TENM3: variants seen among roughly 807,000 people sequenced by gnomAD.
TENM3 encodes teneurin-3.
Under a neutral mutation model 255.1 loss-of-function variants are expected in TENM3, and 63 were observed. The observed-to-expected ratio is 0.25, with a 90% CI of 0.20 to 0.30. The LOEUF is 0.30. TENM3 is among the 10% of genes least tolerant of loss of function. TENM3 has a pLI of 1.00. For synonymous variants in TENM3, 1,306 were observed against 1,322.3 expected (o/e 0.99, Z 0.27); for missense variants, 2,929 against 3,461.1 (o/e 0.85, Z 3.86).
the TENM3 span, among the ~76,000 whole-genome samples, chr4:181,700,637 G>A: frequency 2.6e-5 from 4 of 151,750 alleles, no homozygotes; most frequent in Admixed American, 2.6e-4. Context: ...TTCATTTTTT[G>A]TGACCTACCT....
chr4:182,220,271 G>A (rs1043570155), intron 1 of TENM3, among the ~76,000 whole-genome samples: 4 of 151,372 alleles, frequency 2.6e-5, no homozygotes, highest in African/African-American at 7.3e-5. Flanking sequence ...CAGCTCCTCA[G>A]GAGGCTGAGG....
At chr4:182,589,390 T>C (rs1746365090) in intron 3 of TENM3, among the ~76,000 whole-genome samples, 1 of 152,032 alleles carries the variant, frequency 6.6e-6, no homozygotes, top group South Asian at 2.1e-4. Flanking sequence ...ACAGACATTC[T>C]ACTTTTGTCA....
the TENM3 span, among the ~76,000 whole-genome samples, chr4:181,882,173 T>C: frequency 6.6e-6 from 1 of 152,188 alleles, no homozygotes; most frequent in South Asian, 2.1e-4. Flanking sequence ...GGCTGTGACT[T>C]CATTATGAGG....
At chr4:181,524,904 G>A in the TENM3 span, among the ~76,000 whole-genome samples, 1 of 152,170 alleles carries the variant, frequency 6.6e-6, no homozygotes. Context: ...AGGCTTAGAA[G>A]TTTTCATTGT....
At chr4:181,605,574 G>GAGAGAA in the TENM3 span, among the ~76,000 whole-genome samples, 1 of 22,030 alleles carries the variant, frequency 4.5e-5, no homozygotes, top group African/African-American at 1.1e-4. Flanking sequence ...AAGAAAGAGA[G>GAGAGAA]AGAAAGAAAG....
the TENM3 span, among the ~76,000 whole-genome samples, chr4:181,938,274 G>A: frequency 3.3e-5 from 5 of 152,230 alleles, no homozygotes; most frequent in South Asian, 2.1e-4. Context: ...TTTGGGGCAC[G>A]TCATAATACT....
chr4:182,129,587 A>G, the TENM3 span, among the ~76,000 whole-genome samples: 14 of 152,312 alleles, frequency 9.2e-5, no homozygotes, highest in African/African-American at 3.4e-4. Context: ...GTGTCGAAGG[A>G]TAGGTAATTA....
intron 7 of TENM3, among the ~76,000 whole-genome samples, chr4:182,673,593 C>A (rs138610260): frequency 1.3e-5 from 2 of 152,284 alleles, no homozygotes; most frequent in East Asian, 3.9e-4. Context: ...TCATCTCTAA[C>A]ACGTATTCAT....
rs190784811 is a variant in TENM3, at chr4:182,457,964, A to G, written c.511+111035A>G. Reference sequence around the variant, plus strand: ...GCTTTACATGTAAGTTCTATTTCCTATTCTAGAATAGAAATATGATACCAG... The same window carrying G: ...GCTTTACATGTAAGTTCTATTTCCTGTTCTAGAATAGAAATATGATACCAG... On this transcript the variant is annotated intron_variant, in intron 3 of 27. Transcript: ENST00000511685. 6.2e-4 allele frequency among the ~76,000 whole-genome samples: 95 copies of G among 152,286 alleles called. 1 individual carries two copies. The East Asian group carries it at 9.8e-3, about 16-fold the overall frequency.
intron 3 of TENM3, among the ~76,000 whole-genome samples, chr4:182,505,395 A>G (rs951892816): frequency 8.5e-5 from 13 of 152,174 alleles, no homozygotes; most frequent in African/African-American, 3.1e-4. Context: ...TGTCTAAATT[A>G]TTATACATTT....
intron 2 of TENM3, among the ~76,000 whole-genome samples, chr4:182,338,970 G>A (rs1200074204): frequency 6.6e-6 from 1 of 152,082 alleles, no homozygotes; most frequent in Non-Finnish European, 1.5e-5. Flanking sequence ...TGACCATATG[G>A]TCCTACCATT....
At chr4:181,892,393 TTC>T in the TENM3 span, among the ~76,000 whole-genome samples, 2 of 152,180 alleles carry the variant, frequency 1.3e-5, no homozygotes, top group Non-Finnish European at 2.9e-5. Flanking sequence ...ACTACCTAGT[TTC>T]TGAGTGTCAC....
chr4:182,488,366 C>T (rs1462483075), intron 3 of TENM3, among the ~76,000 whole-genome samples: 1 of 152,060 alleles, frequency 6.6e-6, no homozygotes, highest in Non-Finnish European at 1.5e-5. Flanking sequence ...AGAAGGAGTT[C>T]TTTTAGATGG....
the TENM3 span, among the ~76,000 whole-genome samples, chr4:181,840,866 C>T: frequency 1.3e-5 from 2 of 152,156 alleles, no homozygotes; most frequent in African/African-American, 4.8e-5. Flanking sequence ...CTTAATGTTT[C>T]AGTTACTTTG....
At chr4:182,405,352 CCT>C (rs1769491675) in intron 3 of TENM3, among the ~76,000 whole-genome samples, 1 of 152,236 alleles carries the variant, frequency 6.6e-6, no homozygotes, top group African/African-American at 2.4e-5. Flanking sequence ...GTGATCCTTA[CCT>C]CTCTCGTCAC....
chr4:181,874,063 G>A, the TENM3 span, among the ~76,000 whole-genome samples: 33 of 152,164 alleles, frequency 2.2e-4, no homozygotes, highest in African/African-American at 7.7e-4. Flanking sequence ...GATTACAGGC[G>A]TGAGCCACCG....
the TENM3 span, among the ~76,000 whole-genome samples, chr4:182,069,521 G>C: frequency 6.6e-6 from 1 of 151,976 alleles, no homozygotes; most frequent in Non-Finnish European, 1.5e-5. Context: ...ACTAGAATAT[G>C]CACCCCATTT....
the TENM3 span, among the ~76,000 whole-genome samples, chr4:181,460,661 C>T: frequency 7.3e-6 from 1 of 137,020 alleles, no homozygotes; most frequent in East Asian, 2.2e-4. Flanking sequence ...TGTATTACTG[C>T]CTTACTAGCT....
chr4:182,572,238 T>G (rs757172971), intron 3 of TENM3, among the ~76,000 whole-genome samples: 1 of 152,184 alleles, frequency 6.6e-6, no homozygotes, highest in Non-Finnish European at 1.5e-5. Flanking sequence ...TTTGTACTGA[T>G]TCTTGAGTAG....
Sources: allele counts gnomAD v4.1 joint callset (sites outside exome capture counted in the v4.1 genomes callset), GRCh38; gene constraint gnomAD v4.1.1; transcripts MANE v1.5; gene names NCBI Gene and HGNC (gene_info 2026-07-23, HGNC 2026-07-21).